The following RABGAP1L variants were observed in gnomAD, a reference collection of about 807,000 sequenced individuals.
The protein encoded by RABGAP1L is rab GTPase-activating protein 1-like.
In RABGAP1L, 63 loss-of-function variants were observed where a neutral mutation model predicts 137.7. The ratio of observed to expected loss-of-function variants is 0.46; its 90% confidence interval spans 0.37 to 0.56. RABGAP1L has a LOEUF of 0.56. Ranked by LOEUF, RABGAP1L falls within the 20% of genes least tolerant of loss-of-function variation. The pLI, the probability that RABGAP1L is intolerant of heterozygous loss-of-function variation, is 0.00. For missense variants in RABGAP1L, 1,095 were observed against 1,244.0 expected, an observed-to-expected ratio of 0.88 and a Z score of 1.80; for synonymous variants, 431 against 433.7, an observed-to-expected ratio of 0.99 and a Z score of 0.08.
intron 18 of RABGAP1L, among the ~76,000 whole-genome samples, chr1:174,809,171 C>G (rs1299504917): frequency 6.6e-6 from 1 of 152,170 alleles, no homozygotes; most frequent in Non-Finnish European, 1.5e-5. Context: ...CCTCCCTGCC[C>G]CATGGTTGCC....
chr1:174,406,619 T>C (rs1219364611), intron 13 of RABGAP1L, among the ~76,000 whole-genome samples: 1 of 152,226 alleles, frequency 6.6e-6, no homozygotes, highest in East Asian at 1.9e-4. Context: ...CTTGTGTAGT[T>C]TTGTAGGCTT....
chr1:174,281,149 G>T (rs1284221185), intron 10 of RABGAP1L, among the ~76,000 whole-genome samples: 1 of 152,170 alleles, frequency 6.6e-6, no homozygotes, highest in East Asian at 1.9e-4. Flanking sequence ...GATTTACTGT[G>T]AAGAGCAAAA....
At chr1:174,209,832 G>C (rs1271730714) in intron 1 of RABGAP1L, among the ~76,000 whole-genome samples, 2 of 152,246 alleles carry the variant, frequency 1.3e-5, no homozygotes, top group African/African-American at 2.4e-5. Flanking sequence ...ACTCAGTGCA[G>C]TTTCAGTGGT....
chr1:174,957,733 T>C, intron 20 of RABGAP1L, 184 bp downstream of exon 20: 1 of 875,882 alleles, frequency 1.1e-6, no homozygotes, highest in Non-Finnish European at 1.8e-6. Context: ...CTTTTTTTTT[T>C]TTTTTTTTTT....
At chr1:174,529,540 G>C (rs1664209347) in intron 13 of RABGAP1L, among the ~76,000 whole-genome samples, 4 of 152,072 alleles carry the variant, frequency 2.6e-5, no homozygotes, top group Admixed American at 2.6e-4. Flanking sequence ...GCAGTGGTAG[G>C]TTTGGTGTGC....
intron 12 of RABGAP1L, among the ~76,000 whole-genome samples, chr1:174,388,862 G>A (rs1212765705): frequency 6.6e-6 from 1 of 151,954 alleles, no homozygotes. Context: ...CCTTCAAATC[G>A]GTCATTCTTT....
intron 13 of RABGAP1L, among the ~76,000 whole-genome samples, chr1:174,505,159 TCAAAG>T (rs1661701859): frequency 6.6e-6 from 1 of 152,176 alleles, no homozygotes; most frequent in Non-Finnish European, 1.5e-5. Context: ...TTGGCAGTGA[TCAAAG>T]CAAAAGTCTG....
At position 174,257,214 on chromosome 1, in the gene RABGAP1L, G is replaced by T. The variant is rs182714920; in HGVS notation, c.986+4624G>T. ...AACAAAGCATCTTTCAATTTAAAAAGTCTGTAGCAACACAGACAAAGAAGT... is the reference window on the plus strand; with the variant it reads ...AACAAAGCATCTTTCAATTTAAAAATTCTGTAGCAACACAGACAAAGAAGT... On this transcript the variant is annotated intron_variant, in intron 7 of 25. Coordinates refer to ENST00000681986, the MANE Select transcript of RABGAP1L (RefSeq NM_001366446.1). Among the ~76,000 whole-genome samples the T allele has an allele frequency of 2.6e-5, 4 of 152,186 alleles. No homozygotes were observed. The East Asian group carries it at 7.7e-4, about 29-fold the overall frequency.
chr1:174,450,866 T>C (rs1396341812), intron 13 of RABGAP1L, among the ~76,000 whole-genome samples: 1 of 152,204 alleles, frequency 6.6e-6, no homozygotes, highest in Non-Finnish European at 1.5e-5. Context: ...AAAATGTGCC[T>C]ATGACTCTTC....
chr1:174,612,547 G>A (rs1222953309), intron 13 of RABGAP1L, among the ~76,000 whole-genome samples: 15 of 152,130 alleles, frequency 9.9e-5, no homozygotes, highest in Non-Finnish European at 1.8e-4. Flanking sequence ...CCCGGCTTTG[G>A]TATCAGGATG....
intron 12 of RABGAP1L, among the ~76,000 whole-genome samples, chr1:174,385,002 C>T (rs1322069830): frequency 6.6e-6 from 1 of 152,106 alleles, no homozygotes. Context: ...GGGAATGTTA[C>T]TTGACTAATT....
At chr1:174,540,217 T>C (rs906681359) in intron 13 of RABGAP1L, among the ~76,000 whole-genome samples, 8 of 152,130 alleles carry the variant, frequency 5.3e-5, no homozygotes, top group African/African-American at 1.7e-4. Context: ...GGGTAGATTG[T>C]AAAAATTTTC....
At chr1:174,864,636 C>T (rs113047739) in intron 19 of RABGAP1L, among the ~76,000 whole-genome samples, 2,146 of 152,310 alleles carry the variant, frequency 0.014, 33 homozygotes, top group South Asian at 0.026. Flanking sequence ...CTGGTCACCT[C>T]CCATGAGGTC....
intron 14 of RABGAP1L, among the ~76,000 whole-genome samples, chr1:174,646,921 C>T (rs549908982): frequency 1.3e-5 from 2 of 152,240 alleles, no homozygotes; most frequent in African/African-American, 4.8e-5. Context: ...TGAAAAGGGC[C>T]TCCACATCCC....
At chr1:174,980,672 AG>A (rs1671022042) in intron 23 of RABGAP1L, among the ~76,000 whole-genome samples, 1 of 152,230 alleles carries the variant, frequency 6.6e-6, no homozygotes, top group African/African-American at 2.4e-5. Flanking sequence ...GATCAAGGAA[AG>A]TCTTCAGGGC....
chr1:174,270,385 AAAC>A (rs1255867156), intron 7 of RABGAP1L, among the ~76,000 whole-genome samples: 4 of 152,154 alleles, frequency 2.6e-5, no homozygotes, highest in African/African-American at 9.7e-5. Flanking sequence ...AGTGCTTGAG[AAAC>A]AAATGACATT....
At chr1:174,281,192 G>A (rs554432382) in intron 10 of RABGAP1L, among the ~76,000 whole-genome samples, 12 of 152,264 alleles carry the variant, frequency 7.9e-5, no homozygotes, top group African/African-American at 2.2e-4. Context: ...AAGAGGACCC[G>A]AGCGGGTTGC....
At chr1:174,188,208 G>A (rs1485617516) in intron 1 of RABGAP1L, among the ~76,000 whole-genome samples, 2 of 152,082 alleles carry the variant, frequency 1.3e-5, no homozygotes, top group Non-Finnish European at 2.9e-5. Context: ...GCTGTAAAGT[G>A]GATTTGGATT....
intron 13 of RABGAP1L, chr1:174,548,444 A>G: frequency 1.1e-6 from 1 of 942,474 alleles, no homozygotes; most frequent in Non-Finnish European, 1.3e-6. Flanking sequence ...TTATATATGG[A>G]TATATCATAT....
Sources: gnomAD v4.1 joint callset for allele counts (sites outside exome capture counted in the v4.1 genomes callset) on GRCh38, gnomAD v4.1.1 for gene constraint, MANE v1.5 for transcripts, NCBI Gene and HGNC (gene_info 2026-07-23, HGNC 2026-07-21) for gene names.